DIPK1C: variants seen among roughly 807,000 people sequenced by gnomAD.
The protein encoded by DIPK1C is familial non-conventional Alzheimer's dementia.
DIPK1C carries 33 observed loss-of-function variants against 28.0 expected under a neutral mutation model. The observed-to-expected ratio is 1.18, with a 90% CI of 0.89 to 1.58. The LOEUF (loss-of-function observed/expected upper bound fraction) is 1.58. Ranked by LOEUF, DIPK1C falls within the 40% of genes most tolerant of loss-of-function variation. The probability of loss-of-function intolerance (pLI) is 0.00; values close to 1 mark genes in which losing one functional copy is unlikely to be tolerated. For synonymous variants in DIPK1C, 255 were observed against 248.8 expected, an observed-to-expected ratio of 1.02 and a Z score of -0.23; for missense variants, 569 against 568.5, an observed-to-expected ratio of 1.00 and a Z score of -0.01.
intron 3 of DIPK1C, among the ~76,000 whole-genome samples, 176 bp from the exon 4 acceptor site, chr18:74,436,895 T>C (rs1447276996): frequency 7.3e-6 from 1 of 136,488 alleles, no homozygotes; most frequent in Non-Finnish European, 1.5e-5. Context: ...CTTCTGCCCC[T>C]TAAACCCTTC....
rs542850383 is a variant in DIPK1C at position 74,442,548 on chromosome 18, C to T, written c.877-432G>A. 5.3e-5 allele frequency among the ~76,000 whole-genome samples: 8 copies of T among 152,286 alleles called. No individual in the cohort carries two copies. The East Asian group carries it at 1.5e-3, about 29-fold the overall frequency. ...GTTTCACCGTGTTAGCCAGGATGGT[C>T]TCGATCTCCTGACCTCCTGATCTGC... On this transcript the variant is annotated intron_variant, in intron 2 of 3. Coordinates refer to ENST00000343998, the MANE Select transcript of DIPK1C (RefSeq NM_001044369.3).
chr18:74,443,244 T>C (rs1365510028), intron 2 of DIPK1C, among the ~76,000 whole-genome samples: 1 of 152,150 alleles, frequency 6.6e-6, no homozygotes, highest in Non-Finnish European at 1.5e-5. Flanking sequence ...GCCACCTGGA[T>C]GCAACAACAA....
At chr18:74,439,725 T>C (rs1270603604) in intron 3 of DIPK1C, among the ~76,000 whole-genome samples, 1 of 152,082 alleles carries the variant, frequency 6.6e-6, no homozygotes, top group East Asian at 1.9e-4. Context: ...GAGGCTGAGG[T>C]GAGAGGATCA....
intron 1 of DIPK1C, among the ~76,000 whole-genome samples, chr18:74,455,738 A>AAAAG (rs533444202): frequency 0.031 from 4,662 of 149,098 alleles, 145 homozygotes; most frequent in East Asian, 0.048. Context: ...AAAAAAAAGA[A>AAAAG]AAAGAAAAAG....
intron 2 of DIPK1C, among the ~76,000 whole-genome samples, chr18:74,445,567 G>A (rs1050969151): frequency 2.6e-5 from 4 of 152,210 alleles, no homozygotes; most frequent in Non-Finnish European, 5.9e-5. Flanking sequence ...CTGCCTTGGA[G>A]GCCATGACTG....
chr18:74,446,636 C>T lies in DIPK1C; in HGVS notation c.846G>A (p.Pro282=), dbSNP rs1404098232. ...AGTCGCTCCGGATGGCAAAGTTTTC[C>T]GGCTTGATGTCGCAGAGGTGGAGGC... ...SHRLHLCDIK[P]ENFAIRSDFT... Residue 282 remains proline (P), a synonymous_variant, in exon 2 of 4, where the codon CCG becomes CCA. Coordinates refer to ENST00000343998, the MANE Select transcript of DIPK1C (RefSeq NM_001044369.3). The T allele has an allele frequency of 1.7e-5, 25 of 1,469,400 alleles. No homozygotes were observed. Among genetic ancestry groups the T allele is most frequent in the African/African-American group, 5.7e-5 (4 of 70,284 alleles). The allele number at this position is 1,469,400 out of a possible 1,614,324, so 91.0% of individuals were successfully genotyped here.
chr18:74,441,948 A>T lies in DIPK1C; in HGVS notation c.1041+4T>A, dbSNP rs570608333. 13 of 1,612,256 alleles carry T rather than the reference A, an allele frequency of 8.1e-6. 1 individual carries two copies. The African/African-American group carries it at 9.3e-5, about 12-fold the overall frequency. On this transcript the variant is annotated splice_donor_region_variant and intron_variant, in intron 3 of 3. Coordinates refer to ENST00000343998, the MANE Select transcript of DIPK1C (RefSeq NM_001044369.3). Reference sequence around the variant, plus strand: ...CCTCCCCCAGCCCTGGCGGACTCTCATACCTGCAGGTTGTTGTTTACGCGC... The same window carrying T: ...CCTCCCCCAGCCCTGGCGGACTCTCTTACCTGCAGGTTGTTGTTTACGCGC...
Position 74,442,057 on chromosome 18 carries a change from C to A in DIPK1C, c.936G>T (p.Glu312Asp), listed in dbSNP as rs748228509. The change falls in exon 3 of 4, where the codon GAG (glutamate) becomes GAT (aspartate). Residue 312 changes from glutamate (E) to aspartate (D), a missense_variant. Coordinates refer to ENST00000343998, the MANE Select transcript of DIPK1C (RefSeq NM_001044369.3). Reference protein sequence around the residue: ...FFEPKMREILEQNCTGDEDCN... With the variant: ...FFEPKMREILDQNCTGDEDCN... The stretch of plus-strand genomic sequence containing the variant: ...AGTCTTCATCTCCTGTGCAGTTTTG[C>A]TCAAGGATTTCCCTCATTTTAGGTT... The A allele has an allele frequency of 2.4e-5, 39 of 1,614,006 alleles. No homozygotes were observed. In the East Asian group the frequency reaches 8.2e-4, roughly 34 times the overall value.
rs1215926312 is a variant in DIPK1C at position 74,440,638 on chromosome 18, T to C, written c.1041+1314A>G. On this transcript the variant is annotated intron_variant, in intron 3 of 3. Transcript: ENST00000343998. ...GTTGTGTATTCGGTGTCTGTTCTCC[T>C]GCCAATTTTCTGTGTGTTCCTCTTG... Among the ~76,000 whole-genome samples the C allele has an allele frequency of 2.0e-5, 3 of 152,254 alleles. No homozygotes were observed. In the South Asian group the frequency reaches 6.2e-4, roughly 32 times the overall value.
At chr18:74,442,643 A>G (rs1020218437) in intron 2 of DIPK1C, among the ~76,000 whole-genome samples, 1 of 152,172 alleles carries the variant, frequency 6.6e-6, no homozygotes, top group Admixed American at 6.5e-5. Context: ...TTTCTTTTAC[A>G]CAGGCAACTG....
chr18:74,443,317 C>T (rs1986186777), intron 2 of DIPK1C, among the ~76,000 whole-genome samples: 1 of 152,174 alleles, frequency 6.6e-6, no homozygotes, highest in African/African-American at 2.4e-5. Flanking sequence ...TTTATAGCTT[C>T]GAGGTATTAA....
intron 1 of DIPK1C, among the ~76,000 whole-genome samples, chr18:74,455,977 T>C (rs370774855): frequency 6.6e-6 from 1 of 152,240 alleles, no homozygotes; most frequent in African/African-American, 2.4e-5. Context: ...AAAAACTTTG[T>C]GGTCCCACAT....
At chr18:74,451,176 T>C (rs913569790) in intron 1 of DIPK1C, among the ~76,000 whole-genome samples, 3 of 152,274 alleles carry the variant, frequency 2.0e-5, no homozygotes, top group African/African-American at 7.2e-5. Flanking sequence ...GAGAAGAACT[T>C]GTGCAAAGGC....
the DIPK1C span, among the ~76,000 whole-genome samples, chr18:74,463,550 T>A: frequency 6.6e-6 from 1 of 151,134 alleles, no homozygotes; most frequent in Admixed American, 6.6e-5. Flanking sequence ...ACAGGAGGAG[T>A]CCTACTGATG....
At chr18:74,441,060 C>T (rs1355211057) in intron 3 of DIPK1C, among the ~76,000 whole-genome samples, 2 of 152,224 alleles carry the variant, frequency 1.3e-5, no homozygotes, top group Non-Finnish European at 2.9e-5. Context: ...AATCATCCCC[C>T]ATCACAGCTG....
At position 74,447,163 on chromosome 18, in the gene DIPK1C, C is replaced by A. The variant is rs190477154; in HGVS notation, c.319G>T (p.Asp107Tyr). 11 of 1,550,434 alleles carry A rather than the reference C, an allele frequency of 7.1e-6. No homozygotes were observed. The East Asian group carries it at 2.2e-4, about 31-fold the overall frequency. The change falls in exon 2 of 4, where the codon GAC becomes TAC. Residue 107 changes from aspartate (D) to tyrosine (Y), a missense_variant. Physicochemically the swap from Asp to Tyr is radical, Grantham distance 160. Transcript: ENST00000343998. The surrounding 1 kb of genome is among the most constrained non-coding windows in gnomAD (Gnocchi z 4.1). ...AGGACCACGGGCCGGCCGCGCCAGT[C>A]GGCCTGCAGCACCTTCTTGCCTCTG... ...YNRGKKVLQA[D>Y]WRGRPVVLKS...
At chr18:74,437,629 C>A (rs1040486263) in intron 3 of DIPK1C, among the ~76,000 whole-genome samples, 1 of 152,214 alleles carries the variant, frequency 6.6e-6, no homozygotes, top group Non-Finnish European at 1.5e-5. Context: ...ACAATCCCTG[C>A]AAAAGCAAGG....
the DIPK1C span, among the ~76,000 whole-genome samples, chr18:74,464,489 C>T: frequency 6.6e-6 from 1 of 152,240 alleles, no homozygotes. Context: ...CAGAGTGGTA[C>T]ATTTGCTACC....
rs188983939 is a variant in DIPK1C at position 74,438,422 on chromosome 18, C to T, written c.1042-1703G>A. On this transcript the variant is annotated intron_variant, in intron 3 of 3. Coordinates refer to ENST00000343998, the MANE Select transcript of DIPK1C (RefSeq NM_001044369.3). ...AATAGGATTTCTGGGTCAAAGGGCACGTGCATTTTTTGTTTTGATAGATGT... is the reference window on the plus strand; with the variant it reads ...AATAGGATTTCTGGGTCAAAGGGCATGTGCATTTTTTGTTTTGATAGATGT... 3.1e-3 allele frequency among the ~76,000 whole-genome samples: 476 copies of T among 152,270 alleles called. 2 individuals are homozygous for T. Among genetic ancestry groups the T allele is most frequent in the African/African-American group, 0.011 (459 of 41,538 alleles).
Sources: gnomAD v4.1 joint callset for allele counts (sites outside exome capture counted in the v4.1 genomes callset) on GRCh38, gnomAD v4.1.1 for gene constraint, Gnocchi (gnomAD v3.1) non-coding constraint, MANE v1.5 for transcripts, NCBI Gene and HGNC (gene_info 2026-07-23, HGNC 2026-07-21) for gene names.